The following CDK14 variants were observed in gnomAD, a reference collection of about 807,000 sequenced individuals.
CDK14 encodes the protein cyclin-dependent kinase 14.
CDK14 carries 34 observed loss-of-function variants against 60.7 expected under a neutral mutation model. The ratio of observed to expected loss-of-function variants is 0.56; its 90% CI spans 0.43 to 0.75. CDK14 has a LOEUF of 0.75. Among genes scored for constraint, CDK14 ranks in the 30% least tolerant of loss-of-function variants. The pLI is 0.00. For missense variants in CDK14, 482 were observed against 564.1 expected (o/e 0.85, Z 1.47); for synonymous variants, 197 against 203.7 (o/e 0.97, Z 0.28).
At chr7:91,095,528 A>G (rs941868959) in intron 12 of CDK14, among the ~76,000 whole-genome samples, 2 of 152,230 alleles carry the variant, frequency 1.3e-5, no homozygotes, top group Non-Finnish European at 2.9e-5. Context: ...AGTTGCCCCA[A>G]AATTCTCATT....
rs903062305 is a variant in CDK14 at position 90,940,698 on chromosome 7, G to C, written c.827-14999G>C. 2.6e-5 allele frequency among the ~76,000 whole-genome samples: 4 copies of C among 152,052 alleles called. No homozygotes were observed. In the East Asian group the frequency reaches 5.8e-4, roughly 22 times the overall value. On this transcript the variant is annotated intron_variant, in intron 8 of 14. Transcript: ENST00000380050. ...CTACTTAGGAGGCTGAGGTGGGAAG[G>C]TCGCTTGAGCCCGGGAGGTTGAGGC... is the stretch of plus-strand genomic sequence containing the variant.
chr7:90,862,065 A>G (rs1791027051), intron 5 of CDK14, among the ~76,000 whole-genome samples: 1 of 152,230 alleles, frequency 6.6e-6, no homozygotes, highest in Non-Finnish European at 1.5e-5. Flanking sequence ...AAAATGAAAT[A>G]AAATTAGAGT....
chr7:91,107,967 A>T (rs1799353164), intron 12 of CDK14, among the ~76,000 whole-genome samples: 2 of 152,182 alleles, frequency 1.3e-5, no homozygotes. Flanking sequence ...ACAGAATTGA[A>T]ACCTCTGTAT....
At chr7:90,852,960 T>C (rs1321733081) in intron 5 of CDK14, among the ~76,000 whole-genome samples, 3 of 152,238 alleles carry the variant, frequency 2.0e-5, no homozygotes, top group Non-Finnish European at 4.4e-5. Context: ...GCTTTGACTT[T>C]GTTTCAGTCA....
intron 4 of CDK14, among the ~76,000 whole-genome samples, chr7:90,785,253 G>A (rs928140563): frequency 6.6e-6 from 1 of 152,120 alleles, no homozygotes; most frequent in Admixed American, 6.5e-5. Flanking sequence ...GTTAGCACAT[G>A]GACACTGTTT....
In CDK14 at chr7:90,846,274, G is replaced by T. The variant is rs935929271; in HGVS notation, c.545-16901G>T. Among the ~76,000 whole-genome samples the T allele has an allele frequency of 2.0e-5, 3 of 152,114 alleles. No homozygotes were observed. In the East Asian group the frequency reaches 5.8e-4, roughly 29 times the overall value. ...TAAGGTTCCACACTTGGCTCCATTG[G>T]GAGTTCTCTCTCCTATTTCTCCATT... is the stretch of plus-strand genomic sequence containing the variant. On this transcript the variant is annotated intron_variant, in intron 5 of 14. Coordinates refer to ENST00000380050, the MANE Select transcript of CDK14 (RefSeq NM_001287135.2).
At chr7:90,722,417 G>C (rs1310264265) in intron 2 of CDK14, among the ~76,000 whole-genome samples, 1 of 152,042 alleles carries the variant, frequency 6.6e-6, no homozygotes, top group Non-Finnish European at 1.5e-5. Flanking sequence ...CGTTGCCCAG[G>C]TTGGTCTCGA....
At chr7:91,182,481 C>A (rs1354917799) in intron 14 of CDK14, among the ~76,000 whole-genome samples, 2 of 151,808 alleles carry the variant, frequency 1.3e-5, no homozygotes, top group Non-Finnish European at 2.9e-5. Flanking sequence ...AGAAGTCTAC[C>A]TCCACCTCTG....
At chr7:90,655,681 T>C (rs1445401827) in intron 2 of CDK14, among the ~76,000 whole-genome samples, 1 of 152,218 alleles carries the variant, frequency 6.6e-6, no homozygotes, top group East Asian at 1.9e-4. Context: ...ACATTACAAA[T>C]GCATATCTAG....
chr7:90,627,306 C>T (rs1799896691), intron 2 of CDK14, among the ~76,000 whole-genome samples: 1 of 151,840 alleles, frequency 6.6e-6, no homozygotes, highest in South Asian at 2.1e-4. Context: ...CCCTCCCAAG[C>T]TCAAGTGATT....
intron 4 of CDK14, among the ~76,000 whole-genome samples, chr7:90,765,441 T>C (rs10487983): frequency 0.21 from 31,369 of 151,768 alleles, 3,390 homozygotes; most frequent in South Asian, 0.24. Flanking sequence ...AAGAGAGAAG[T>C]GAAGAACAGA....
intron 3 of CDK14, among the ~76,000 whole-genome samples, chr7:90,744,155 C>G (rs535678331): frequency 6.6e-6 from 1 of 152,160 alleles, no homozygotes; most frequent in Non-Finnish European, 1.5e-5. Context: ...GAGGACCCTG[C>G]GGCCTTCCGC....
At chr7:90,602,212 G>A (rs1275550909) in intron 1 of CDK14, among the ~76,000 whole-genome samples, 1 of 152,172 alleles carries the variant, frequency 6.6e-6, no homozygotes, top group Non-Finnish European at 1.5e-5. Context: ...ATATTTAAAA[G>A]TTTGTGCCGT....
chr7:90,721,026 C>T (rs919278673), intron 2 of CDK14, among the ~76,000 whole-genome samples: 1 of 152,160 alleles, frequency 6.6e-6, no homozygotes, highest in Non-Finnish European at 1.5e-5. Context: ...GCTTTCCACA[C>T]TGGTTCACAT....
intron 4 of CDK14, among the ~76,000 whole-genome samples, chr7:90,787,268 G>A (rs933367007): frequency 1.3e-5 from 2 of 152,158 alleles, no homozygotes; most frequent in Non-Finnish European, 2.9e-5. Context: ...TAAGGTTAGT[G>A]AGTGTTTTGA....
At chr7:90,633,567 T>C (rs1009414722) in intron 2 of CDK14, among the ~76,000 whole-genome samples, 3 of 152,174 alleles carry the variant, frequency 2.0e-5, no homozygotes, top group Admixed American at 2.0e-4. Flanking sequence ...GTTCCATTTA[T>C]TTTACGGTAA....
intron 14 of CDK14, among the ~76,000 whole-genome samples, chr7:91,119,568 T>A (rs1799718578): frequency 6.6e-6 from 1 of 152,196 alleles, no homozygotes; most frequent in South Asian, 2.1e-4. Flanking sequence ...CCTTCCTCCC[T>A]CTCTTAGTTT....
chr7:91,160,771 T>G (rs1257340070), intron 14 of CDK14, among the ~76,000 whole-genome samples: 1 of 152,206 alleles, frequency 6.6e-6, no homozygotes, highest in Non-Finnish European at 1.5e-5. Flanking sequence ...CCTAGTTATG[T>G]ACATGGATGT....
chr7:90,744,841 C>CA (rs1554326570), intron 3 of CDK14, among the ~76,000 whole-genome samples: 3 of 126,938 alleles, frequency 2.4e-5, no homozygotes, highest in African/African-American at 9.1e-5. Flanking sequence ...CCCTCCCGGA[C>CA]GGGGGCTGAC....
Sources: allele counts gnomAD v4.1 joint callset (sites outside exome capture counted in the v4.1 genomes callset), GRCh38; gene constraint gnomAD v4.1.1; transcripts MANE v1.5; gene names NCBI Gene and HGNC (gene_info 2026-07-23, HGNC 2026-07-21).